Variants in PLEKHH2 observed in about 807,000 individuals in gnomAD.
PLEKHH2 encodes pleckstrin homology, MyTH4 and FERM domain containing H2.
In PLEKHH2, 129 loss-of-function variants were observed where a neutral mutation model predicts 187.9. That is an observed-to-expected ratio of 0.69 (90% CI 0.59 to 0.79). The LOEUF (loss-of-function observed/expected upper bound fraction) is 0.79, where lower values mean the gene tolerates loss of function less well. PLEKHH2 is among the 30% of genes least tolerant of loss of function. The pLI is 0.00. For missense variants in PLEKHH2, 2,076 were observed against 1,751.2 expected (o/e 1.19, Z -3.31); for synonymous variants, 686 against 605.6 (o/e 1.13, Z -1.95).
chr2:43,764,078 A>G (rs1020152492), intron 28 of PLEKHH2, 150 bp from the exon 29 acceptor site: 13 of 459,186 alleles, frequency 2.8e-5, no homozygotes, highest in Non-Finnish European at 4.7e-5. Flanking sequence ...TCTATTTTGG[A>G]TCATAATACA....
chr2:43,764,413 T>C (rs769500751), intron 29 of PLEKHH2, 48 bp downstream of exon 29: 11 of 1,582,246 alleles, frequency 7.0e-6, no homozygotes, highest in Non-Finnish European at 9.5e-6. Context: ...TTGTTTTCAC[T>C]TAGTCTTAGC....
At chr2:43,718,170 G>A (rs1030432164) in intron 15 of PLEKHH2, among the ~76,000 whole-genome samples, 1 of 152,148 alleles carries the variant, frequency 6.6e-6, no homozygotes, top group Non-Finnish European at 1.5e-5. Flanking sequence ...TGAGATTTGA[G>A]GTTGCCTTTA....
chr2:43,650,191 C>T (rs1297570564), intron 2 of PLEKHH2, among the ~76,000 whole-genome samples: 3 of 126,524 alleles, frequency 2.4e-5, no homozygotes, highest in African/African-American at 8.9e-5. Flanking sequence ...TGCTTTGTTG[C>T]CCAGGCTGAA....
At chr2:43,715,285 A>G (rs1670160933) in intron 15 of PLEKHH2, among the ~76,000 whole-genome samples, 1 of 151,626 alleles carries the variant, frequency 6.6e-6, no homozygotes, top group South Asian at 2.1e-4. Context: ...AAAAAAAAGA[A>G]AAAAAGAAAA....
intron 2 of PLEKHH2, among the ~76,000 whole-genome samples, chr2:43,656,606 G>T (rs1281194682): frequency 6.6e-6 from 1 of 152,202 alleles, no homozygotes; most frequent in Non-Finnish European, 1.5e-5. Flanking sequence ...ATCTATTGCT[G>T]CATAAAAAAC....
chr2:43,672,978 A>G (rs190960698), intron 2 of PLEKHH2, among the ~76,000 whole-genome samples: 211 of 152,280 alleles, frequency 1.4e-3, no homozygotes, highest in African/African-American at 4.8e-3. Context: ...TTTTCCCTCA[A>G]TATATCATTT....
chr2:43,713,198 A>G (rs900923080), intron 15 of PLEKHH2, among the ~76,000 whole-genome samples: 1 of 152,150 alleles, frequency 6.6e-6, no homozygotes, highest in African/African-American at 2.4e-5. Flanking sequence ...CAAAAGATTT[A>G]ATTATGAGAT....
chr2:43,651,313 C>T (rs1187056243), intron 2 of PLEKHH2, among the ~76,000 whole-genome samples: 3 of 152,140 alleles, frequency 2.0e-5, no homozygotes, highest in African/African-American at 7.2e-5. Flanking sequence ...GTGATCCACC[C>T]GCCTCGGCCT....
At chr2:43,711,481 G>A in intron 14 of PLEKHH2, 1 of 957,024 alleles carries the variant, frequency 1.0e-6, no homozygotes, top group African/African-American at 1.8e-5. Flanking sequence ...TTATATGCAA[G>A]ATCTTCTTAT....
intron 3 of PLEKHH2, chr2:43,681,604 C>G (rs373175495): frequency 1.6e-5 from 12 of 761,956 alleles, no homozygotes; most frequent in East Asian, 5.4e-5. Context: ...CTTTTTGGAG[C>G]TGTACACGAT....
At chr2:43,711,942 G>A in intron 14 of PLEKHH2, 2 of 1,100,918 alleles carry the variant, frequency 1.8e-6, no homozygotes, top group South Asian at 2.3e-5. Flanking sequence ...ATTTAAGCAA[G>A]AAAGGGAAAA....
chr2:43,652,401 A>G (rs1666521344), intron 2 of PLEKHH2, among the ~76,000 whole-genome samples: 1 of 152,204 alleles, frequency 6.6e-6, no homozygotes, highest in Non-Finnish European at 1.5e-5. Context: ...ATTCTAGGCT[A>G]TGCTATCCAG....
intron 2 of PLEKHH2, among the ~76,000 whole-genome samples, chr2:43,657,543 C>G (rs1355804425): frequency 6.6e-6 from 1 of 152,184 alleles, no homozygotes; most frequent in Non-Finnish European, 1.5e-5. Context: ...CAAAGCCCAT[C>G]ACAGGGTGGC....
intron 2 of PLEKHH2, among the ~76,000 whole-genome samples, chr2:43,677,442 T>C (rs1025391585): frequency 1.3e-5 from 2 of 152,168 alleles, no homozygotes; most frequent in South Asian, 2.1e-4. Context: ...TAACAAAGCA[T>C]ATCTTGCAAC....
rs58745882 is a variant in PLEKHH2 at position 43,699,629 on chromosome 2, T to C, written c.689-18T>C. ...TATTCTTAAAGGCAGCATGCTGATATGATGTATCCTTTTCTAGAAATGGAA... is the reference window on the plus strand; with the variant it reads ...TATTCTTAAAGGCAGCATGCTGATACGATGTATCCTTTTCTAGAAATGGAA... On this transcript the variant is annotated intron_variant, in intron 7 of 29. Coordinates refer to ENST00000282406, the MANE Select transcript of PLEKHH2 (RefSeq NM_172069.4). 192 of 1,602,492 alleles carry C rather than the reference T, an allele frequency of 1.2e-4. 1 individual carries two copies. The East Asian group carries it at 4.2e-3, about 35-fold the overall frequency.
intron 7 of PLEKHH2, among the ~76,000 whole-genome samples, chr2:43,698,393 A>G (rs1275679271): frequency 6.6e-6 from 1 of 151,828 alleles, no homozygotes; most frequent in African/African-American, 2.4e-5. Flanking sequence ...GACTATAGAC[A>G]CATGCCACCA....
At chr2:43,730,442 AGGCTGGAGTGCAGT>A (rs532005576) in intron 18 of PLEKHH2, among the ~76,000 whole-genome samples, 10 of 152,352 alleles carry the variant, frequency 6.6e-5, no homozygotes, top group African/African-American at 2.4e-4. Flanking sequence ...TCTGTCACCC[AGGCTGGAGTGCAGT>A]GGCATGATCT....
rs563837482 is a variant in PLEKHH2, at chr2:43,766,281, C to G, written c.*683C>G. 1 of 152,902 alleles carries G rather than the reference C, an allele frequency of 6.5e-6. No individual in the cohort carries two copies. Among genetic ancestry groups the G allele is most frequent in the Admixed American group, 6.5e-5 (1 of 15,298 alleles). 9.5% of individuals were successfully genotyped at this position (152,902 alleles called of 1,614,324 possible). A position where few individuals can be genotyped will look rare whatever the true frequency, so the allele number is the denominator to read the frequency against. On this transcript the variant is annotated 3_prime_UTR_variant, in exon 30 of 30. Transcript: ENST00000282406. Reference sequence around the variant, plus strand: ...AAACAAGATGGTGATTCCTGACATTCCTTGGCTGTCAGTGCTGCCCAGATT... The same window carrying G: ...AAACAAGATGGTGATTCCTGACATTGCTTGGCTGTCAGTGCTGCCCAGATT...
At chr2:43,754,992 C>T (rs1490538367) in intron 25 of PLEKHH2, among the ~76,000 whole-genome samples, 1 of 151,354 alleles carries the variant, frequency 6.6e-6, no homozygotes, top group Non-Finnish European at 1.5e-5. Context: ...CCTGCCTCAG[C>T]CTCCCTAGTA....
Sources: gnomAD v4.1 joint callset for allele counts (sites outside exome capture counted in the v4.1 genomes callset) on GRCh38, gnomAD v4.1.1 for gene constraint, MANE v1.5 for transcripts, NCBI Gene and HGNC (gene_info 2026-07-23, HGNC 2026-07-21) for gene names.